MARF1: variants seen among roughly 807,000 people sequenced by gnomAD.
MARF1 encodes limkain-b1.
Under a neutral mutation model 168.2 loss-of-function variants are expected in MARF1, and 24 were observed. The observed-to-expected ratio is 0.14, with a 90% CI of 0.10 to 0.20. MARF1 has a LOEUF of 0.20. Among genes scored for constraint, MARF1 ranks in the 10% least tolerant of loss-of-function variants. MARF1 has a pLI of 1.00. For synonymous variants in MARF1, 868 were observed against 822.4 expected, an observed-to-expected ratio of 1.06 and a Z score of -0.95; for missense variants, 1,744 against 2,143.6, an observed-to-expected ratio of 0.81 and a Z score of 3.68.
intron 16 of MARF1, among the ~76,000 whole-genome samples, chr16:15,614,214 G>C (rs1181900641): frequency 6.6e-6 from 1 of 152,090 alleles, no homozygotes; most frequent in Non-Finnish European, 1.5e-5. Context: ...CAGGTGCGGT[G>C]GCTCACGTCT....
In MARF1 at chr16:15,612,828, G is replaced by C. The variant is rs576339702; in HGVS notation, c.3254-51C>G. ...ACAGAAAGCACAGATTTCACCAGCT[G>C]AAAGAAGGGAAAATGGCCCTGCAGT... On this transcript the variant is annotated intron_variant, in intron 16 of 26. Coordinates refer to ENST00000396368, the MANE Select transcript of MARF1 (RefSeq NM_014647.4). The C allele has an allele frequency of 7.3e-6, 11 of 1,510,056 alleles. No individual in the cohort carries two copies. The African/African-American group carries it at 1.1e-4, about 15-fold the overall frequency. The allele number at this position is 1,510,056 out of a possible 1,614,324, so 93.5% of individuals were successfully genotyped here. A position where few individuals can be genotyped will look rare whatever the true frequency, so the allele number is the denominator to read the frequency against.
intron 16 of MARF1, among the ~76,000 whole-genome samples, chr16:15,614,378 G>A (rs1012889011): frequency 6.8e-6 from 1 of 146,176 alleles, no homozygotes; most frequent in African/African-American, 2.5e-5. Flanking sequence ...AGCTACTCGG[G>A]AGGCTGAGGC....
At chr16:15,642,372 A>G (rs2151355180) in intron 1 of MARF1, 1 of 152,344 alleles carries the variant, frequency 6.6e-6, no homozygotes, top group Non-Finnish European at 1.5e-5. Context: ...ATATTTTAAT[A>G]AATAACTGTT....
intron 17 of MARF1, among the ~76,000 whole-genome samples, chr16:15,612,294 T>C (rs2033640043): frequency 6.6e-6 from 1 of 152,220 alleles, no homozygotes; most frequent in South Asian, 2.1e-4. Flanking sequence ...AAAGCTGTGC[T>C]GGGATGAAGA....
intron 12 of MARF1, among the ~76,000 whole-genome samples, chr16:15,621,275 G>T (rs548304573): frequency 1.8e-4 from 28 of 152,296 alleles, no homozygotes; most frequent in African/African-American, 6.7e-4. Context: ...ACCATCACCA[G>T]ACGCTTGAGA....
At chr16:15,638,079 T>A (rs1334129669) in intron 2 of MARF1, among the ~76,000 whole-genome samples, 1 of 151,452 alleles carries the variant, frequency 6.6e-6, no homozygotes, top group African/African-American at 2.4e-5. Flanking sequence ...GACGGGAGAA[T>A]CCCTTGAACT....
At chr16:15,602,515 G>A (rs575779542) in intron 22 of MARF1, 21 of 470,938 alleles carry the variant, frequency 4.5e-5, no homozygotes, top group South Asian at 4.3e-4. Context: ...CGACGATGAA[G>A]AAGACGAAGA....
chr16:15,637,684 T>C (rs926490507), intron 2 of MARF1, among the ~76,000 whole-genome samples: 1 of 152,070 alleles, frequency 6.6e-6, no homozygotes, highest in Non-Finnish European at 1.5e-5. Flanking sequence ...TTCTGAATTG[T>C]GTGACTCCAT....
At position 15,625,534 on chromosome 16, in the gene MARF1, T is replaced by C; in HGVS notation, c.1791A>G (p.Ala597=). 6.2e-7 allele frequency: 1 copy of C among 1,614,224 alleles called. No homozygotes were observed. The highest frequency in any genetic ancestry group is 8.5e-7 in the Non-Finnish European group (1 of 1,180,036). ...RELCETKSSN[A]IADKVKSPKK... ...TGGGAGACTTCACTTTATCAGCAAT[T>C]GCATTTGAACTCTTTGTTTCACAGA... is the stretch of plus-strand genomic sequence containing the variant. The change falls in exon 8 of 27, where the codon GCA becomes GCG. Residue 597 remains alanine, a synonymous_variant. Transcript: ENST00000396368.
At position 15,600,526 on chromosome 16, in the gene MARF1, G is replaced by A; in HGVS notation, c.4715C>T (p.Pro1572Leu). The A allele has an allele frequency of 6.2e-7, 1 of 1,614,228 alleles. No individual in the cohort carries two copies. Among genetic ancestry groups the A allele is most frequent in the South Asian group, 1.1e-5 (1 of 91,086 alleles). ...KSRLSSLSLSPANHENQPSEG... is the reference protein window; with the variant it reads ...KSRLSSLSLSLANHENQPSEG... ...CGAGGGCTGGTTTTCATGATTGGCA[G>A]GGGAGAGACTGAGTGAACTCAAACG... Residue 1572 changes from proline to leucine, a missense_variant, in exon 25 of 27, where the codon CCT (proline) becomes CTT (leucine). Physicochemically the swap from Pro to Leu is moderately conservative, Grantham distance 98. This residue lies in a region of MARF1 where 313 missense variants were observed against 337.4 expected (regional missense o/e 0.93). Coordinates refer to ENST00000396368, the MANE Select transcript of MARF1 (RefSeq NM_014647.4).
intron 21 of MARF1, among the ~76,000 whole-genome samples, chr16:15,607,014 G>A (rs2033073201): frequency 6.6e-6 from 1 of 152,032 alleles, no homozygotes; most frequent in South Asian, 2.1e-4. Context: ...CACTGACCTG[G>A]CCAGCAGCAC....
At chr16:15,603,674 A>G (rs1469824638) in intron 22 of MARF1, among the ~76,000 whole-genome samples, 2 of 151,550 alleles carry the variant, frequency 1.3e-5, no homozygotes, top group African/African-American at 4.9e-5. Context: ...TCATTTATTT[A>G]CTCTAGGTTT....
At chr16:15,641,383 C>A (rs2035944162) in intron 1 of MARF1, among the ~76,000 whole-genome samples, 1 of 152,070 alleles carries the variant, frequency 6.6e-6, no homozygotes, top group South Asian at 2.1e-4. Context: ...GTTTTATGTC[C>A]CCCAAAAAAC....
At chr16:15,642,089 T>C (rs540163414) in intron 1 of MARF1, among the ~76,000 whole-genome samples, 6 of 152,266 alleles carry the variant, frequency 3.9e-5, no homozygotes, top group Admixed American at 2.0e-4. Context: ...GTGATAATAA[T>C]AGAAACCACC....
At chr16:15,602,748 G>A (rs1478847160) in intron 22 of MARF1, 1 of 426,598 alleles carries the variant, frequency 2.3e-6, no homozygotes, top group East Asian at 7.1e-5. Flanking sequence ...GCGGTCTGAA[G>A]AGACAGTGTG....
chr16:15,642,787 A>C (rs2036114537), intron 1 of MARF1, among the ~76,000 whole-genome samples: 1 of 152,146 alleles, frequency 6.6e-6, no homozygotes, highest in Admixed American at 6.5e-5. Context: ...AATGCCCTCG[A>C]AGGGGAACAG....
chr16:15,598,246 A>T (rs1201497057), intron 26 of MARF1, among the ~76,000 whole-genome samples: 2 of 152,164 alleles, frequency 1.3e-5, no homozygotes, highest in African/African-American at 2.4e-5. Context: ...TGCCTTAGTC[A>T]CGCAGCCTGT....
intron 26 of MARF1, among the ~76,000 whole-genome samples, chr16:15,598,629 G>C (rs2032021062): frequency 6.9e-6 from 1 of 145,238 alleles, no homozygotes; most frequent in African/African-American, 2.5e-5. Context: ...CAGCCCTCCA[G>C]AGCTGCCAAA....
rs554040908 is a variant in MARF1, at chr16:15,641,157, C to T, written c.-59+1861G>A. ...ATGCAAAATGTGGCTAATTTCTCCC[C>T]GCCACTGCATTACAGAGAAAAAAAA... On this transcript the variant is annotated intron_variant, in intron 1 of 26. Transcript: ENST00000396368. 8.5e-5 allele frequency among the ~76,000 whole-genome samples: 13 copies of T among 152,162 alleles called. No homozygotes were observed. The East Asian group carries it at 1.2e-3, about 14-fold the overall frequency.
Sources: allele counts gnomAD v4.1 joint callset (sites outside exome capture counted in the v4.1 genomes callset), GRCh38; gene constraint gnomAD v4.1.1; regional missense constraint gnomAD v4.1.1; transcripts MANE v1.5; gene names NCBI Gene and HGNC (gene_info 2026-07-23, HGNC 2026-07-21).